Variants in KCNMA1 observed in about 807,000 individuals in gnomAD.
KCNMA1 encodes the protein Calcium-activated potassium channel subunit alpha-1.
KCNMA1 carries 29 observed loss-of-function variants against 140.0 expected under a neutral mutation model. That is an observed-to-expected ratio of 0.21 (90% CI 0.15 to 0.28). The LOEUF is 0.28. Among genes scored for constraint, KCNMA1 ranks in the 10% least tolerant of loss-of-function variants. KCNMA1 has a pLI of 1.00. For synonymous variants in KCNMA1, 612 were observed against 611.9 expected (o/e 1.00, Z 0.00); for missense variants, 880 against 1,602.2 (o/e 0.55, Z 7.70).
At chr10:77,261,868 T>G (rs895526969) in intron 2 of KCNMA1, among the ~76,000 whole-genome samples, 1 of 152,178 alleles carries the variant, frequency 6.6e-6, no homozygotes, top group African/African-American at 2.4e-5. Context: ...CGCTCAAGTT[T>G]GCAGCTAATG....
At chr10:77,470,265 A>G (rs950036971) in intron 1 of KCNMA1, among the ~76,000 whole-genome samples, 4 of 152,094 alleles carry the variant, frequency 2.6e-5, no homozygotes, top group African/African-American at 9.7e-5. Flanking sequence ...TTACCCCACA[A>G]ATGATTATGG....
chr10:77,141,911 T>C (rs2098180137), intron 5 of KCNMA1, among the ~76,000 whole-genome samples: 1 of 152,222 alleles, frequency 6.6e-6, no homozygotes, highest in Admixed American at 6.5e-5. Context: ...CCATGACGTA[T>C]TGAGCATCTA....
intron 1 of KCNMA1, among the ~76,000 whole-genome samples, chr10:77,597,119 G>A (rs1266726189): frequency 6.6e-6 from 1 of 152,178 alleles, no homozygotes; most frequent in Non-Finnish European, 1.5e-5. Context: ...ATGAGATGTA[G>A]TGGAGAAAGA....
At chr10:76,875,735 G>A (rs1189718204), downstream of KCNMA1, 2 of 151,932 alleles carry the variant, frequency 1.3e-5, no homozygotes, top group African/African-American at 4.8e-5. Context: ...TGACCCCAAT[G>A]CAAAATCATT....
At chr10:77,030,316 T>C (rs150018489) in intron 15 of KCNMA1, among the ~76,000 whole-genome samples, 277 of 152,338 alleles carry the variant, frequency 1.8e-3, no homozygotes, top group African/African-American at 6.1e-3. Flanking sequence ...CAAAGAGCAC[T>C]GCTAACATGC....
At chr10:77,151,367 T>TA (rs11378891) in intron 5 of KCNMA1, among the ~76,000 whole-genome samples, 152,222 of 152,222 alleles carry the variant, frequency 1, 76,111 homozygotes, top group Non-Finnish European at 1. Flanking sequence ...AGCTAGGGAC[T>TA]CAGGTGAGAG....
At chr10:77,387,768 C>A (rs1167040433) in intron 2 of KCNMA1, among the ~76,000 whole-genome samples, 1 of 152,010 alleles carries the variant, frequency 6.6e-6, no homozygotes, top group African/African-American at 2.4e-5. Flanking sequence ...CAGGTGCCTG[C>A]CAGCATGCTC....
intron 2 of KCNMA1, among the ~76,000 whole-genome samples, chr10:77,402,355 T>C (rs915680020): frequency 2.0e-5 from 3 of 152,152 alleles, no homozygotes; most frequent in Non-Finnish European, 1.5e-5. Flanking sequence ...CAGACTGAAT[T>C]GTCTCCCTCT....
At chr10:77,038,288 C>G (rs1349709470) in intron 15 of KCNMA1, among the ~76,000 whole-genome samples, 6 of 152,074 alleles carry the variant, frequency 3.9e-5, no homozygotes, top group African/African-American at 1.4e-4. Flanking sequence ...TGTGGTAAAG[C>G]CTGATCAGTT....
At chr10:77,262,837 A>G (rs1299105230) in intron 2 of KCNMA1, among the ~76,000 whole-genome samples, 1 of 152,108 alleles carries the variant, frequency 6.6e-6, no homozygotes, top group Non-Finnish European at 1.5e-5. Flanking sequence ...ATGAACCAAG[A>G]TAAATCTCTT....
intron 9 of KCNMA1, among the ~76,000 whole-genome samples, chr10:77,099,490 G>A (rs576110588): frequency 1.6e-4 from 25 of 152,242 alleles, no homozygotes; most frequent in East Asian, 3.9e-4. Context: ...GAAGGCTGGC[G>A]GATCACCTGC....
intron 1 of KCNMA1, among the ~76,000 whole-genome samples, chr10:77,424,311 C>T (rs1267839965): frequency 1.3e-5 from 2 of 152,200 alleles, no homozygotes; most frequent in African/African-American, 4.8e-5. Flanking sequence ...CTAAGTAATG[C>T]ACATGCCCTA....
intron 23 of KCNMA1, among the ~76,000 whole-genome samples, chr10:76,935,334 T>C (rs1037243473): frequency 1.3e-5 from 2 of 152,234 alleles, no homozygotes; most frequent in African/African-American, 4.8e-5. Flanking sequence ...CCATGACCCT[T>C]GAAAGTACAT....
Position 77,603,301 on chromosome 10 carries a change from C to A in KCNMA1, c.378+33964G>T, listed in dbSNP as rs571190923. Among the ~76,000 whole-genome samples, 10 of 152,268 alleles carry A rather than the reference C, an allele frequency of 6.6e-5. No individual in the cohort carries two copies. In the East Asian group the frequency reaches 1.9e-3, roughly 29 times the overall value. ...TTGCACAGCTTCCTTCGGTCCCCCC[C>A]ACCCATCTCCACCCCCTCAGCCATG... On this transcript the variant is annotated intron_variant, in intron 1 of 27. Coordinates refer to ENST00000286628, the MANE Select transcript of KCNMA1 (RefSeq NM_001161352.2).
At chr10:77,488,347 T>C (rs2098485916) in intron 1 of KCNMA1, among the ~76,000 whole-genome samples, 2 of 152,060 alleles carry the variant, frequency 1.3e-5, no homozygotes, top group South Asian at 2.1e-4. Context: ...GCCTGGACCA[T>C]GGATTGGGAG....
At chr10:77,245,256 C>T (rs925859480) in intron 3 of KCNMA1, among the ~76,000 whole-genome samples, 1 of 152,210 alleles carries the variant, frequency 6.6e-6, no homozygotes, top group African/African-American at 2.4e-5. Flanking sequence ...ACAGAGTAGG[C>T]TGGTGAGCTT....
At chr10:77,569,997 C>T (rs1306576724) in intron 1 of KCNMA1, among the ~76,000 whole-genome samples, 1 of 152,072 alleles carries the variant, frequency 6.6e-6, no homozygotes, top group Non-Finnish European at 1.5e-5. Flanking sequence ...TGCTCACCAT[C>T]ACTGGCCATC....
chr10:77,229,527 C>T (rs182469003), intron 3 of KCNMA1, among the ~76,000 whole-genome samples: 9 of 152,240 alleles, frequency 5.9e-5, no homozygotes, highest in Admixed American at 1.3e-4. Context: ...TCTCTTCACC[C>T]CAGTATATTA....
chr10:77,479,995 T>C (rs181636275), intron 1 of KCNMA1, among the ~76,000 whole-genome samples: 116 of 152,252 alleles, frequency 7.6e-4, no homozygotes, highest in African/African-American at 2.6e-3. Context: ...TCTCAGAAAA[T>C]ACCTGCTCAT....
Sources: allele counts gnomAD v4.1 joint callset (sites outside exome capture counted in the v4.1 genomes callset), GRCh38; gene constraint gnomAD v4.1.1; transcripts MANE v1.5; gene names NCBI Gene and HGNC (gene_info 2026-07-23, HGNC 2026-07-21).